DYNC2I1: variants seen among roughly 807,000 people sequenced by gnomAD.
The protein encoded by DYNC2I1 is cytoplasmic dynein 2 intermediate chain 1.
A neutral mutation model predicts 133.4 loss-of-function variants in DYNC2I1; 89 were observed. The ratio of observed to expected loss-of-function variants is 0.67; its 90% CI spans 0.56 to 0.80. The LOEUF is 0.80. Among genes scored for constraint, DYNC2I1 ranks in the 30% least tolerant of loss-of-function variants. The probability of loss-of-function intolerance (pLI) is 0.00; values close to 1 mark genes in which losing one functional copy is unlikely to be tolerated. For synonymous variants in DYNC2I1, 504 were observed against 484.3 expected, an observed-to-expected ratio of 1.04 and a Z score of -0.54; for missense variants, 1,291 against 1,314.5, an observed-to-expected ratio of 0.98 and a Z score of 0.28.
rs781534957 is a variant in DYNC2I1 at position 158,871,140 on chromosome 7, A to G, written c.70-2A>G. The G allele has an allele frequency of 6.2e-7, 1 of 1,609,516 alleles. No homozygotes were observed. The highest frequency in any genetic ancestry group is 2.2e-5 in the East Asian group (1 of 44,840). ...GGAGGACCCTTTGTTCTCTTGTTTC[A>G]GGCCATACAGTCAGGTGGTTCCAAG... On this transcript the variant is annotated splice_acceptor_variant, in intron 2 of 24. Coordinates refer to ENST00000407559, the MANE Select transcript of DYNC2I1 (RefSeq NM_018051.5). LOFTEE classifies it high-confidence loss of function.
intron 7 of DYNC2I1, among the ~76,000 whole-genome samples, chr7:158,888,409 C>T (rs184326463): frequency 3.9e-5 from 6 of 151,926 alleles, no homozygotes; most frequent in East Asian, 1.9e-4. Context: ...CTTCTTTGAT[C>T]GTTATCTGAA....
chr7:158,870,076 G>A (rs897283948), intron 2 of DYNC2I1, among the ~76,000 whole-genome samples, 168 bp downstream of exon 2: 14 of 152,218 alleles, frequency 9.2e-5, no homozygotes, highest in African/African-American at 2.7e-4. Flanking sequence ...CCTCTGGAAC[G>A]TTGGTTAAGC....
intron 1 of DYNC2I1, chr7:158,869,530 C>T: frequency 2.0e-6 from 1 of 490,274 alleles, no homozygotes; most frequent in Non-Finnish European, 4.2e-6. Flanking sequence ...TACAGTCTGA[C>T]ACAAGATATT....
rs1390247705 is a variant in DYNC2I1 at position 158,914,258 on chromosome 7, T to C, written c.1728T>C (p.Asp576=). 20 of 1,612,730 alleles carry C rather than the reference T, an allele frequency of 1.2e-5. No homozygotes were observed. The highest frequency in any genetic ancestry group is 1.5e-5 in the Non-Finnish European group (18 of 1,179,402). ...GCAGTGAACAAAGAGATACCTCTGATGCTGTAGTTATGCCAAAGATTGATA... is the reference window on the plus strand; with the variant it reads ...GCAGTGAACAAAGAGATACCTCTGACGCTGTAGTTATGCCAAAGATTGATA... ...SGGSEQRDTS[D]AVVMPKIDTP... is the part of the protein sequence containing the mutation. The change falls in exon 14 of 25, where the codon GAT becomes GAC. Residue 576 remains aspartate (D), a synonymous_variant. Coordinates refer to ENST00000407559, the MANE Select transcript of DYNC2I1 (RefSeq NM_018051.5).
chr7:158,944,858 C>G (rs1344085042), intron 24 of DYNC2I1, among the ~76,000 whole-genome samples: 2 of 152,142 alleles, frequency 1.3e-5, no homozygotes, highest in Non-Finnish European at 2.9e-5. Context: ...CCTGGAGTTG[C>G]AGGTGCCAGG....
At position 158,879,822 on chromosome 7, in the gene DYNC2I1, G is replaced by C; in HGVS notation, c.712G>C (p.Glu238Gln). ...AAAAAGCAGCACAAGGGAAAAAAGA[G>C]AGAAATATTCCAAAGAGAAAAGTAA... ...REKSSTREKR[E>Q]KYSKEKSNSF... Residue 238 changes from glutamate to glutamine, a missense_variant, in exon 5 of 25, where the codon GAG (glutamate) becomes CAG (glutamine). By Grantham distance (29) the Glu-to-Gln change is conservative (BLOSUM62 2). Coordinates refer to ENST00000407559, the MANE Select transcript of DYNC2I1 (RefSeq NM_018051.5). The C allele has an allele frequency of 6.2e-7, 1 of 1,612,976 alleles. No individual in the cohort carries two copies. Among genetic ancestry groups the C allele is most frequent in the Non-Finnish European group, 8.5e-7 (1 of 1,179,538 alleles).
chr7:158,872,989 T>TA (rs899113805), intron 3 of DYNC2I1, among the ~76,000 whole-genome samples: 687 of 144,496 alleles, frequency 4.8e-3, no homozygotes, highest in Admixed American at 1.0e-2. Context: ...AGACTCTGTC[T>TA]AAAAAAAAAA....
chr7:158,860,080 A>T (rs1373777737), intron 1 of DYNC2I1, among the ~76,000 whole-genome samples: 5 of 150,880 alleles, frequency 3.3e-5, no homozygotes, highest in Non-Finnish European at 5.9e-5. Context: ...TTGGAGACGA[A>T]GTCTCACTCT....
Position 158,886,495 on chromosome 7 carries a change from C to T in DYNC2I1, c.936-526C>T, listed in dbSNP as rs919026760. 5.9e-5 allele frequency among the ~76,000 whole-genome samples: 9 copies of T among 152,240 alleles called. No homozygotes were observed. In the South Asian group the frequency reaches 1.9e-3, roughly 32 times the overall value. ...TTTGTTAAAACACATAATTTCTTCT[C>T]TGGAAGATATTTTCTGTCTTGAATT... On this transcript the variant is annotated intron_variant, in intron 6 of 24. Transcript: ENST00000407559.
chr7:158,954,344 C>T, intron 4 of DYNC2I1, among the ~76,000 whole-genome samples: 1 of 152,146 alleles, frequency 6.6e-6, no homozygotes, highest in East Asian at 1.9e-4. Context: ...TACATATATT[C>T]TTTTGAAAAT....
At position 158,902,450 on chromosome 7, in the gene DYNC2I1, A is replaced by C; in HGVS notation, c.1212A>C (p.Lys404Asn). ...ESSNEPESREKLEELPLAQKK... is the reference protein window; with the variant it reads ...ESSNEPESRENLEELPLAQKK... ...GTAATGAACCTGAGTCAAGAGAAAA[A>C]CTGGAAGAACTTCCTCTAGCTCAAA... The change falls in exon 10 of 25, where the codon AAA (lysine) becomes AAC (asparagine). Residue 404 changes from lysine to asparagine, a missense_variant. By Grantham distance (94) the Lys-to-Asn change is moderately conservative. Transcript: ENST00000407559. 1 of 1,613,980 alleles carries C rather than the reference A, an allele frequency of 6.2e-7. No homozygotes were observed. The highest frequency in any genetic ancestry group is 8.5e-7 in the Non-Finnish European group (1 of 1,179,896).
intron 15 of DYNC2I1, among the ~76,000 whole-genome samples, chr7:158,919,272 T>C (rs1040130274): frequency 1.3e-4 from 20 of 152,226 alleles, no homozygotes; most frequent in African/African-American, 4.8e-4. Context: ...GTTAATAGTT[T>C]AGATATAGTT....
the DYNC2I1 span, among the ~76,000 whole-genome samples, chr7:158,840,827 T>C: frequency 6.6e-6 from 1 of 152,058 alleles, no homozygotes; most frequent in African/African-American, 2.4e-5. Flanking sequence ...GACAAGAGCC[T>C]GTGCTGGGGC....
chr7:158,858,332 C>T (rs575371978), intron 1 of DYNC2I1, among the ~76,000 whole-genome samples: 2 of 152,242 alleles, frequency 1.3e-5, no homozygotes, highest in South Asian at 2.1e-4. Context: ...CATTGCAGAA[C>T]CAAATAGTCA....
chr7:158,930,272 T>G (rs1209557763), intron 20 of DYNC2I1, among the ~76,000 whole-genome samples, 183 bp from the exon 21 acceptor site: 2 of 152,212 alleles, frequency 1.3e-5, no homozygotes, highest in African/African-American at 4.8e-5. Context: ...TCGATTCTTC[T>G]CCTAAGGCAG....
chr7:158,939,789 A>G (rs1851146979), intron 23 of DYNC2I1, among the ~76,000 whole-genome samples: 1 of 152,232 alleles, frequency 6.6e-6, no homozygotes, highest in Non-Finnish European at 1.5e-5. Context: ...CTATACAACT[A>G]GAAACCAAAG....
At chr7:158,913,475 C>T (rs2730237) in intron 13 of DYNC2I1, among the ~76,000 whole-genome samples, 128,284 of 152,192 alleles carry the variant, frequency 0.84, 54,222 homozygotes, top group East Asian at 0.95. Context: ...TTTTATGTTT[C>T]AAGTGCAGTT....
At chr7:158,869,699 AT>A (rs1353410669) in intron 1 of DYNC2I1, among the ~76,000 whole-genome samples, 155 bp from the exon 2 acceptor site, 1 of 152,180 alleles carries the variant, frequency 6.6e-6, no homozygotes, top group Non-Finnish European at 1.5e-5. Context: ...AAAAATCTGT[AT>A]TTCTGTTACC....
chr7:158,894,147 C>CCG lies in DYNC2I1; in HGVS notation c.1059+2815_1059+2816insGC, dbSNP rs1563126494. Among the ~76,000 whole-genome samples the CCG allele has an allele frequency of 4.1e-4, 63 of 152,232 alleles. 1 individual carries two copies. Among genetic ancestry groups the CCG allele is most frequent in the African/African-American group, 1.3e-3 (53 of 41,524 alleles). On this transcript the variant is annotated intron_variant, in intron 8 of 24. Coordinates refer to ENST00000407559, the MANE Select transcript of DYNC2I1 (RefSeq NM_018051.5). ...ACCGCATATCATACCGCATATCCTACCACATATCGTACATCATAATGCATG... is the reference window on the plus strand; with the variant it reads ...ACCGCATATCATACCGCATATCCTACCGCACATATCGTACATCATAATGCATG...
Sources: gnomAD v4.1 joint callset for allele counts (sites outside exome capture counted in the v4.1 genomes callset) on GRCh38, gnomAD v4.1.1 for gene constraint, MANE v1.5 for transcripts, NCBI Gene and HGNC (gene_info 2026-07-23, HGNC 2026-07-21) for gene names.